Variants in TG observed in about 807,000 individuals in gnomAD.
TG encodes the protein thyroid hormones.
In TG, 270 loss-of-function variants were observed where a neutral mutation model predicts 324.7. The observed-to-expected ratio is 0.83, with a 90% CI of 0.75 to 0.92. TG has a LOEUF of 0.92. Ranked by LOEUF, TG falls within the 40% of genes least tolerant of loss-of-function variation. The pLI, the probability that TG is intolerant of heterozygous loss-of-function variation, is 0.00. For missense variants in TG, 3,591 were observed against 3,456.4 expected (o/e 1.04, Z -0.98); for synonymous variants, 1,401 against 1,327.0 (o/e 1.06, Z -1.21).
intron 35 of TG, among the ~76,000 whole-genome samples, chr8:132,987,719 G>A (rs1009021058): frequency 1.8e-5 from 2 of 112,308 alleles, no homozygotes; most frequent in African/African-American, 7.8e-5. Flanking sequence ...GTGTGTGTGT[G>A]TGGTGTGTGT....
intron 23 of TG, among the ~76,000 whole-genome samples, chr8:132,930,069 G>A (rs1358827000): frequency 6.6e-6 from 1 of 152,186 alleles, no homozygotes; most frequent in African/African-American, 2.4e-5. Flanking sequence ...GCCTGCCTCA[G>A]TACCCACATG....
intron 10 of TG, among the ~76,000 whole-genome samples, chr8:132,889,767 C>T (rs756641926): frequency 5.9e-5 from 9 of 152,056 alleles, no homozygotes; most frequent in Non-Finnish European, 7.4e-5. Context: ...ACCAAAAGTA[C>T]CTAGTAACTT....
At chr8:132,996,190 G>A (rs1356843090) in intron 35 of TG, among the ~76,000 whole-genome samples, 1 of 151,550 alleles carries the variant, frequency 6.6e-6, no homozygotes, top group Non-Finnish European at 1.5e-5. Flanking sequence ...ATGGGATGAT[G>A]TAGTTATTCT....
At chr8:133,050,708 C>G in intron 41 of TG, 1 of 750,466 alleles carries the variant, frequency 1.3e-6, no homozygotes, top group Middle Eastern at 2.4e-4. Flanking sequence ...ATAATAGGAC[C>G]AGGACTCATG....
At chr8:132,928,061 G>A (rs925499029) in intron 22 of TG, among the ~76,000 whole-genome samples, 3 of 151,986 alleles carry the variant, frequency 2.0e-5, no homozygotes, top group Non-Finnish European at 4.4e-5. Flanking sequence ...CTGAGCCACC[G>A]CGCCTGGCCG....
rs574819761 is a variant in TG at position 132,971,836 on chromosome 8, C to T, written c.6018C>T (p.Cys2006=). 7 of 1,613,848 alleles carry T rather than the reference C, an allele frequency of 4.3e-6. No individual in the cohort carries two copies. The highest frequency in any genetic ancestry group is 1.1e-5 in the South Asian group (1 of 91,076). The change falls in exon 33 of 48, where the codon TGC becomes TGT. Residue 2006 remains cysteine (C), a synonymous_variant. Coordinates refer to ENST00000220616, the MANE Select transcript of TG (RefSeq NM_003235.5). ...CERRCDADPC[C]TGFGFLNVSQ... ...GACGGTGCGATGCGGACCCATGCTG[C>T]ACTGGCTTTGGATTTCTAAATGTTT...
At chr8:133,104,397 A>C (rs1200852647) in intron 43 of TG, among the ~76,000 whole-genome samples, 1 of 152,226 alleles carries the variant, frequency 6.6e-6, no homozygotes, top group East Asian at 1.9e-4. Flanking sequence ...TGACCCAGGA[A>C]GTAGAGATCA....
In TG at chr8:133,013,777, C is replaced by T; in HGVS notation, c.6562+13C>T. On this transcript the variant is annotated intron_variant, in intron 37 of 47. Coordinates refer to ENST00000220616, the MANE Select transcript of TG (RefSeq NM_003235.5). ...TACCGGAAGCCAGGTAAGCCCAAGC[C>T]TATGCCTTTGCAGCCATCCTGGGAA... 1.9e-6 allele frequency: 3 copies of T among 1,606,662 alleles called. No individual in the cohort carries two copies. The highest frequency in any genetic ancestry group is 2.5e-6 in the Non-Finnish European group (3 of 1,179,526).
intron 34 of TG, among the ~76,000 whole-genome samples, chr8:132,974,793 G>A (rs1211030057): frequency 6.6e-6 from 1 of 152,186 alleles, no homozygotes; most frequent in Non-Finnish European, 1.5e-5. Context: ...GAAAGATCCA[G>A]ATGCAGCTCC....
At chr8:132,952,663 C>T (rs1207655387) in intron 27 of TG, among the ~76,000 whole-genome samples, 1 of 152,126 alleles carries the variant, frequency 6.6e-6, no homozygotes, top group Non-Finnish European at 1.5e-5. Context: ...TAGGAAATCA[C>T]AACCCAAAAG....
chr8:132,937,347 CA>C (rs1823759143), intron 25 of TG, among the ~76,000 whole-genome samples: 2 of 152,308 alleles, frequency 1.3e-5, no homozygotes, highest in South Asian at 4.1e-4. Flanking sequence ...ACCTTGGTAG[CA>C]ATTGCGAGCC....
intron 43 of TG, among the ~76,000 whole-genome samples, chr8:133,101,149 C>T (rs565177198): frequency 2.6e-5 from 4 of 152,122 alleles, no homozygotes; most frequent in African/African-American, 4.8e-5. Context: ...GTCAGGGATG[C>T]GCTATCACCA....
intron 2 of TG, among the ~76,000 whole-genome samples, 165 bp from the exon 3 acceptor site, chr8:132,869,564 T>C (rs1293637898): frequency 1.3e-5 from 2 of 152,250 alleles, no homozygotes; most frequent in Non-Finnish European, 2.9e-5. Flanking sequence ...AGTGGGGCCT[T>C]TCCTTTCCCA....
At chr8:132,922,248 C>A (rs938191751) in intron 21 of TG, among the ~76,000 whole-genome samples, 2 of 152,066 alleles carry the variant, frequency 1.3e-5, no homozygotes, top group Non-Finnish European at 2.9e-5. Flanking sequence ...AGCTAGGGGG[C>A]CCGGTGGAGA....
rs116062097 is a variant in TG at position 132,886,939 on chromosome 8, T to C, written c.1567T>C (p.Ser523Pro). 2,926 of 1,614,156 alleles carry C rather than the reference T, an allele frequency of 1.8e-3. 6 individuals are homozygous for C. The highest frequency in any genetic ancestry group is 8.4e-3 in the Middle Eastern group (51 of 6,062). Residue 523 changes from serine to proline, a missense_variant, in exon 9 of 48, where the codon TCT becomes CCT. Coordinates refer to ENST00000220616, the MANE Select transcript of TG (RefSeq NM_003235.5). ...ACAAGAAGATTTGGCCAAGCCACTC[T>C]CTGTGGGATTAGATTCAAATTCTTC... Reference protein sequence around the residue: ...GRQEDLAKPLSVGLDSNSSTG... With the variant: ...GRQEDLAKPLPVGLDSNSSTG...
At chr8:132,934,016 G>A (rs1166282288) in intron 24 of TG, among the ~76,000 whole-genome samples, 1 of 152,076 alleles carries the variant, frequency 6.6e-6, no homozygotes, top group Non-Finnish European at 1.5e-5. Context: ...ACCCGAATAT[G>A]CCTTTCCATT....
intron 15 of TG, 47 bp downstream of exon 15, chr8:132,900,386 G>A (rs890955644): frequency 1.9e-6 from 3 of 1,547,374 alleles, no homozygotes; most frequent in South Asian, 1.2e-5. Context: ...CTTCTGTGGG[G>A]CACTGAGCGT....
In TG at chr8:133,022,040, A is replaced by C; in HGVS notation, c.6926A>C (p.Glu2309Ala). 1.2e-6 allele frequency: 2 copies of C among 1,614,106 alleles called. No homozygotes were observed. The highest frequency in any genetic ancestry group is 1.1e-5 in the South Asian group (1 of 91,068). ...TTCTTCCACAACACCATGGACAGGG[A>C]GGAGAGTGAAGGATGGCCGGCTATC... Reference protein sequence around the residue: ...LVFFHNTMDREESEGWPAIDG... With the variant: ...LVFFHNTMDRAESEGWPAIDG... Residue 2309 changes from glutamate (E) to alanine (A), a missense_variant, in exon 40 of 48, where the codon GAG (glutamate) becomes GCG (alanine). Transcript: ENST00000220616.
rs141609051 is a variant in TG at position 133,116,637 on chromosome 8, G to A, written c.7783G>A (p.Asp2595Asn). ...CTACTTTATCATCTGCCCTATAATC[G>A]ACATGGCCAGTGCCTGGGCAAAGAG... The part of the protein sequence containing the change: ...RDYFIICPII[D>N]MASAWAKRAR... Residue 2595 changes from aspartate to asparagine, a missense_variant, in exon 45 of 48, where the codon GAC (aspartate) becomes AAC (asparagine). Asp to Asn is a conservative substitution (Grantham distance 23). Transcript: ENST00000220616. 27 of 1,613,988 alleles carry A rather than the reference G, an allele frequency of 1.7e-5. No individual in the cohort carries two copies. Among genetic ancestry groups the A allele is most frequent in the Admixed American group, 3.3e-5 (2 of 60,004 alleles).
Sources: gnomAD v4.1 joint callset for allele counts (sites outside exome capture counted in the v4.1 genomes callset) on GRCh38, gnomAD v4.1.1 for gene constraint, MANE v1.5 for transcripts, NCBI Gene and HGNC (gene_info 2026-07-23, HGNC 2026-07-21) for gene names.